The following DLG2 variants were observed in gnomAD, a reference collection of about 807,000 sequenced individuals.
The protein encoded by DLG2 is disks large homolog 2.
Under a neutral mutation model 132.5 loss-of-function variants are expected in DLG2, and 45 were observed. The ratio of observed to expected loss-of-function variants is 0.34; its 90% CI spans 0.27 to 0.44. The LOEUF is 0.44. Ranked by LOEUF, DLG2 falls within the 20% of genes least tolerant of loss-of-function variation. DLG2 has a pLI of 1.00. For synonymous variants in DLG2, 424 were observed against 419.6 expected, an observed-to-expected ratio of 1.01 and a Z score of -0.13; for missense variants, 1,045 against 1,196.9, an observed-to-expected ratio of 0.87 and a Z score of 1.87.
At chr11:85,402,795 C>A (rs1311830907) in intron 3 of DLG2, among the ~76,000 whole-genome samples, 1 of 152,138 alleles carries the variant, frequency 6.6e-6, no homozygotes, top group Non-Finnish European at 1.5e-5. Flanking sequence ...CAATGAGATG[C>A]CATCTCACGC....
chr11:83,470,408 C>T (rs1436896547), intron 24 of DLG2, among the ~76,000 whole-genome samples: 7 of 152,074 alleles, frequency 4.6e-5, no homozygotes, highest in Admixed American at 2.6e-4. Context: ...CTAATTTTCT[C>T]GTTTAACTTT....
chr11:85,475,631 G>A (rs187536638), intron 3 of DLG2, among the ~76,000 whole-genome samples: 10 of 152,156 alleles, frequency 6.6e-5, no homozygotes, highest in African/African-American at 2.4e-4. Context: ...AATAAAGACT[G>A]CTGGCTGTGT....
chr11:84,180,477 T>C (rs2096086713), intron 8 of DLG2, among the ~76,000 whole-genome samples: 2 of 152,012 alleles, frequency 1.3e-5, no homozygotes, highest in African/African-American at 2.4e-5. Flanking sequence ...CAATAATGAC[T>C]GAAAATTTCA....
intron 3 of DLG2, among the ~76,000 whole-genome samples, chr11:85,551,564 CAAATT>C (rs1475160491): frequency 1.3e-5 from 2 of 151,736 alleles, no homozygotes; most frequent in Admixed American, 1.3e-4. Context: ...TATAAATTCA[CAAATT>C]AAATATATTT....
chr11:83,781,266 T>C (rs1044351972), intron 18 of DLG2, among the ~76,000 whole-genome samples: 1 of 152,234 alleles, frequency 6.6e-6, no homozygotes, highest in Non-Finnish European at 1.5e-5. Flanking sequence ...TCTTTCTTTA[T>C]ACTACTTATC....
rs572419406 is a variant in DLG2 at position 84,328,904 on chromosome 11, G to A, written c.520-77613C>T. ...TATATCATTTTGCTTTTGTATTTATGCATTTTATTCAATATATGTTTACTG... is the reference window on the plus strand; with the variant it reads ...TATATCATTTTGCTTTTGTATTTATACATTTTATTCAATATATGTTTACTG... On this transcript the variant is annotated intron_variant, in intron 7 of 27. Coordinates refer to ENST00000376104, the MANE Select transcript of DLG2 (RefSeq NM_001142699.3). 1.2e-4 allele frequency among the ~76,000 whole-genome samples: 18 copies of A among 152,216 alleles called. No homozygotes were observed. In the East Asian group the frequency reaches 3.3e-3, roughly 28 times the overall value.
At chr11:83,710,166 C>T (rs1566644304) in intron 18 of DLG2, among the ~76,000 whole-genome samples, 1 of 145,264 alleles carries the variant, frequency 6.9e-6, no homozygotes, top group African/African-American at 2.5e-5. Context: ...AAATAAGGTA[C>T]TTTTTTTTTT....
intron 18 of DLG2, among the ~76,000 whole-genome samples, chr11:83,705,549 A>G (rs1421852469): frequency 6.6e-6 from 1 of 152,156 alleles, no homozygotes; most frequent in Non-Finnish European, 1.5e-5. Context: ...TTATTGTGAT[A>G]ATAAAACATC....
At chr11:84,239,007 A>G (rs1180413973) in intron 8 of DLG2, among the ~76,000 whole-genome samples, 1 of 152,250 alleles carries the variant, frequency 6.6e-6, no homozygotes, top group East Asian at 1.9e-4. Context: ...ATGATCATGT[A>G]GATTAAATTA....
intron 7 of DLG2, among the ~76,000 whole-genome samples, chr11:84,509,089 T>G (rs2099250227): frequency 6.6e-6 from 1 of 152,240 alleles, no homozygotes; most frequent in Non-Finnish European, 1.5e-5. Context: ...AATCAACTTA[T>G]AAGCTAGTGC....
intron 7 of DLG2, among the ~76,000 whole-genome samples, chr11:84,420,948 G>A (rs185584507): frequency 1.1e-4 from 17 of 152,014 alleles, no homozygotes; most frequent in African/African-American, 3.4e-4. Context: ...GATTACAGGC[G>A]TGAGCCACCG....
At chr11:85,390,546 C>A (rs370402919) in intron 3 of DLG2, among the ~76,000 whole-genome samples, 3 of 151,482 alleles carry the variant, frequency 2.0e-5, no homozygotes, top group South Asian at 2.1e-4. Context: ...AACTGCAGAA[C>A]AAGTCTCAAC....
At chr11:84,807,430 G>C (rs1324343128) in intron 6 of DLG2, among the ~76,000 whole-genome samples, 2 of 152,016 alleles carry the variant, frequency 1.3e-5, no homozygotes, top group Non-Finnish European at 2.9e-5. Flanking sequence ...TGGGCGACAA[G>C]AGTGAAACTC....
At chr11:84,644,598 T>G (rs9971616) in intron 6 of DLG2, among the ~76,000 whole-genome samples, 1 of 150,670 alleles carries the variant, frequency 6.6e-6, no homozygotes, top group South Asian at 2.1e-4. Context: ...CCCAGCTGCT[T>G]GGGAGGCTGA....
At chr11:83,842,366 C>A (rs766078145) in intron 16 of DLG2, among the ~76,000 whole-genome samples, 3 of 152,040 alleles carry the variant, frequency 2.0e-5, no homozygotes. Flanking sequence ...GAGGCCAAGG[C>A]GGGCGGATCA....
chr11:84,468,302 C>T (rs1308718591), intron 7 of DLG2, among the ~76,000 whole-genome samples: 1 of 151,414 alleles, frequency 6.6e-6, no homozygotes, highest in Non-Finnish European at 1.5e-5. Flanking sequence ...CCCTTGACTT[C>T]CATGTGTGTT....
intron 5 of DLG2, among the ~76,000 whole-genome samples, chr11:85,148,943 G>T (rs2077044243): frequency 6.6e-6 from 1 of 152,092 alleles, no homozygotes; most frequent in African/African-American, 2.4e-5. Context: ...TAAGGAAGGG[G>T]TCAAGTTTCA....
intron 6 of DLG2, among the ~76,000 whole-genome samples, chr11:84,693,227 T>C (rs1048095339): frequency 2.0e-5 from 3 of 151,820 alleles, no homozygotes; most frequent in African/African-American, 4.8e-5. Context: ...ACTTGTATGT[T>C]TGTAGGCTTA....
chr11:83,572,402 A>G (rs1231915393), intron 19 of DLG2, among the ~76,000 whole-genome samples: 1 of 152,168 alleles, frequency 6.6e-6, no homozygotes, highest in Non-Finnish European at 1.5e-5. Context: ...AAATTTTGAG[A>G]AAAGGAAGGT....
Sources: allele counts gnomAD v4.1 joint callset (sites outside exome capture counted in the v4.1 genomes callset), GRCh38; gene constraint gnomAD v4.1.1; transcripts MANE v1.5; gene names NCBI Gene and HGNC (gene_info 2026-07-23, HGNC 2026-07-21).